The following PVT1 variants were observed in gnomAD, a reference collection of about 807,000 sequenced individuals.
The protein encoded by PVT1 is CXCR4/PVT1 fusion.
At chr8:127,868,774 TATATATATATATATATATAC>T (rs1286784502) in intron 2 of PVT1, among the ~76,000 whole-genome samples, 1 of 116,536 alleles carries the variant, frequency 8.6e-6, no homozygotes, top group Non-Finnish European at 1.7e-5. Context: ...TTTTAACATA[TATATATATATATATATATAC>T]ATATATATGT....
intron 2 of PVT1, among the ~76,000 whole-genome samples, chr8:127,847,427 A>G (rs1422410744): frequency 6.6e-6 from 1 of 152,250 alleles, no homozygotes; most frequent in Non-Finnish European, 1.5e-5. Context: ...TCCAAACTAC[A>G]AAAGCATGTG....
intron 3 of PVT1, among the ~76,000 whole-genome samples, chr8:127,926,174 GT>G (rs1209139452): frequency 2.0e-5 from 3 of 152,192 alleles, no homozygotes; most frequent in African/African-American, 7.2e-5. Context: ...AGACCCAGAT[GT>G]TTCCAGCACC....
chr8:127,922,484 T>A lies in PVT1; in HGVS notation n.782+31486T>A, dbSNP rs138689470. Among the ~76,000 whole-genome samples, 884 of 152,282 alleles carry A rather than the reference T, an allele frequency of 5.8e-3. 17 individuals carry two copies. Among genetic ancestry groups the A allele is most frequent in the African/African-American group, 0.02 (842 of 41,564 alleles). On this transcript the variant is annotated intron_variant and non_coding_transcript_variant, in intron 3 of 10. Transcript: ENST00000651587. Reference sequence around the variant, plus strand: ...GTAATGAGGTTCTCTTCTGCCTCAGTTTTCCATGGCTGCAGAGCTCCTGCT... The same window carrying A: ...GTAATGAGGTTCTCTTCTGCCTCAGATTTCCATGGCTGCAGAGCTCCTGCT...
At chr8:127,890,391 T>C (rs914494098) in intron 2 of PVT1, among the ~76,000 whole-genome samples, 1 of 152,206 alleles carries the variant, frequency 6.6e-6, no homozygotes, top group Admixed American at 6.5e-5. Flanking sequence ...GAGAGGTCCT[T>C]CGTACCGCAG....
chr8:128,077,608 A>T (rs1346589442), intron 5 of PVT1, among the ~76,000 whole-genome samples: 1 of 152,248 alleles, frequency 6.6e-6, no homozygotes, highest in Non-Finnish European at 1.5e-5. Context: ...CGAATAGAGA[A>T]AATGTCATTA....
intron 2 of PVT1, among the ~76,000 whole-genome samples, chr8:127,849,989 GCC>G (rs1370325946): frequency 0.015 from 325 of 22,270 alleles, 12 homozygotes; most frequent in South Asian, 0.023. Context: ...TGGGTGCACA[GCC>G]TGTACATATG....
chr8:127,876,089 G>A (rs1025813272), intron 2 of PVT1, among the ~76,000 whole-genome samples: 3 of 152,232 alleles, frequency 2.0e-5, no homozygotes, highest in Admixed American at 6.5e-5. Context: ...CTCCGGATCT[G>A]CATTGGAGCA....
intron 3 of PVT1, among the ~76,000 whole-genome samples, chr8:127,957,501 G>C (rs935012693): frequency 2.0e-5 from 3 of 149,534 alleles, no homozygotes; most frequent in Admixed American, 1.3e-4. Context: ...CCAGGAGGTG[G>C]AGGTTGCAGT....
chr8:127,964,246 G>A (rs1816679593), intron 3 of PVT1, among the ~76,000 whole-genome samples: 1 of 152,240 alleles, frequency 6.6e-6, no homozygotes, highest in Admixed American at 6.5e-5. Context: ...GTTCCCTGCA[G>A]CAGGCCTGCA....
At chr8:128,078,812 G>T (rs1310834444) in intron 5 of PVT1, among the ~76,000 whole-genome samples, 2 of 152,092 alleles carry the variant, frequency 1.3e-5, no homozygotes, top group Admixed American at 6.6e-5. Flanking sequence ...TGTTGACAGG[G>T]TCTCACTTTG....
At chr8:128,011,329 C>T (rs866409520) in intron 4 of PVT1, among the ~76,000 whole-genome samples, 3 of 152,112 alleles carry the variant, frequency 2.0e-5, no homozygotes, top group Admixed American at 6.6e-5. Context: ...AACCTACCCC[C>T]ATGTACTCAG....
At chr8:127,945,513 T>A (rs1481763367) in intron 3 of PVT1, among the ~76,000 whole-genome samples, 1 of 152,154 alleles carries the variant, frequency 6.6e-6, no homozygotes, top group Admixed American at 6.5e-5. Context: ...GTTCCCCTGA[T>A]TGCCAGGGGG....
intron 3 of PVT1, among the ~76,000 whole-genome samples, chr8:127,964,442 A>T (rs1166646847): frequency 6.6e-6 from 1 of 152,176 alleles, no homozygotes; most frequent in Non-Finnish European, 1.5e-5. Flanking sequence ...TGGGCTTCAG[A>T]CCCTCCAGAG....
At chr8:127,999,175 C>T (rs1372761566) in intron 4 of PVT1, 1 of 152,102 alleles carries the variant, frequency 6.6e-6, no homozygotes, top group Non-Finnish European at 1.5e-5. Context: ...AAGGTGGTTT[C>T]CCCAGGGTGA....
At chr8:127,978,431 C>T (rs1207738780) in intron 3 of PVT1, among the ~76,000 whole-genome samples, 1 of 151,810 alleles carries the variant, frequency 6.6e-6, no homozygotes, top group East Asian at 1.9e-4. Flanking sequence ...ATGCACATTC[C>T]TGAGCCACCA....
At chr8:127,879,688 C>A (rs776109447) in intron 2 of PVT1, among the ~76,000 whole-genome samples, 7 of 152,196 alleles carry the variant, frequency 4.6e-5, no homozygotes, top group African/African-American at 1.7e-4. Flanking sequence ...TTAGTGAGTT[C>A]GTATCTCACA....
At chr8:127,907,594 AG>A (rs1479548316) in intron 3 of PVT1, among the ~76,000 whole-genome samples, 1 of 152,198 alleles carries the variant, frequency 6.6e-6, no homozygotes, top group African/African-American at 2.4e-5. Context: ...CAGGGCTGGT[AG>A]GGAGGAAAAC....
rs1554603119 is a variant in PVT1 at position 127,997,044 on chromosome 8, G to GGT, written n.912+7753_912+7754insGT. 5.4e-3 allele frequency among the ~76,000 whole-genome samples: 442 copies of GGT among 81,576 alleles called. 8 individuals carry two copies. Among genetic ancestry groups the GGT allele is most frequent in the African/African-American group, 0.019 (378 of 19,856 alleles). The allele number at this position is 81,576 out of a possible 152,430, so 53.5% of individuals were successfully genotyped here. On this transcript the variant is annotated intron_variant and non_coding_transcript_variant, in intron 4 of 10. Coordinates refer to ENST00000651587, the Ensembl canonical transcript of PVT1. Reference sequence around the variant, plus strand: ...GAACATTCACTGGTCATTTGCTTTCGTTTTTTTTTTTTGTTTGTTTGTTTT... The same window carrying GGT: ...GAACATTCACTGGTCATTTGCTTTCGGTTTTTTTTTTTTTGTTTGTTTGTTTT...
chr8:127,887,138 C>T (rs1430605056), intron 2 of PVT1, among the ~76,000 whole-genome samples: 1 of 152,208 alleles, frequency 6.6e-6, no homozygotes, highest in Non-Finnish European at 1.5e-5. Flanking sequence ...TTTGAACTCC[C>T]CTTTTTGGAA....
Sources: allele counts gnomAD v4.1 joint callset (sites outside exome capture counted in the v4.1 genomes callset), GRCh38; gene constraint gnomAD v4.1.1; transcripts MANE v1.5; gene names NCBI Gene and HGNC (gene_info 2026-07-23, HGNC 2026-07-21).